The following CTPS1 variants were observed in gnomAD, a reference collection of about 807,000 sequenced individuals.
CTPS1 encodes CTP synthase 1.
CTPS1 carries 25 observed loss-of-function variants against 80.5 expected under a neutral mutation model. That is an observed-to-expected ratio of 0.31 (90% CI 0.23 to 0.43). The LOEUF (loss-of-function observed/expected upper bound fraction) is 0.43. Among genes scored for constraint, CTPS1 ranks in the 20% least tolerant of loss-of-function variants. The pLI, the probability that CTPS1 is intolerant of heterozygous loss-of-function variation, is 1.00. For synonymous variants in CTPS1, 267 were observed against 252.5 expected (o/e 1.06, Z -0.54); for missense variants, 442 against 725.7 (o/e 0.61, Z 4.49).
chr1:40,986,290 T>C (rs547812420), intron 3 of CTPS1, among the ~76,000 whole-genome samples: 1 of 151,120 alleles, frequency 6.6e-6, no homozygotes, highest in East Asian at 2.0e-4. Flanking sequence ...ACAGCGAGAG[T>C]GGAATGAGAA....
intron 2 of CTPS1, among the ~76,000 whole-genome samples, 189 bp from the exon 3 acceptor site, chr1:40,984,632 G>T (rs1642405754): frequency 6.6e-6 from 1 of 152,160 alleles, no homozygotes; most frequent in African/African-American, 2.4e-5. Context: ...GAAGTATGAG[G>T]TTACCTTTTA....
At chr1:41,008,768 C>T in intron 15 of CTPS1, 26 bp from the exon 16 acceptor site, 1 of 1,613,582 alleles carries the variant, frequency 6.2e-7, no homozygotes, top group Non-Finnish European at 8.5e-7. Context: ...GAGAGACCAG[C>T]AGAATTATTT....
chr1:40,999,509 T>C (rs1272726303), intron 9 of CTPS1, among the ~76,000 whole-genome samples: 1 of 152,180 alleles, frequency 6.6e-6, no homozygotes, highest in Non-Finnish European at 1.5e-5. Context: ...GGGAAATCAG[T>C]GCAGATGAAG....
At chr1:40,983,098 C>T in intron 1 of CTPS1, 180 bp from the exon 2 acceptor site, 2 of 491,582 alleles carry the variant, frequency 4.1e-6, no homozygotes, top group South Asian at 3.7e-5. Context: ...TTCAGTGATC[C>T]AAGAAATGTT....
chr1:41,011,563 C>T (rs974292111), intron 18 of CTPS1, 95 bp from the exon 19 acceptor site: 11 of 152,176 alleles, frequency 7.2e-5, no homozygotes, highest in African/African-American at 2.4e-4. Context: ...CCATGAAAAA[C>T]AGGCTTAGTT....
At chr1:40,980,477 C>G (rs898994143) in intron 1 of CTPS1, 1 of 152,210 alleles carries the variant, frequency 6.6e-6, no homozygotes, top group African/African-American at 2.4e-5. Flanking sequence ...GCGTGGCGCC[C>G]TTCCGTCCAC....
chr1:40,981,844 A>G (rs1642308949), intron 1 of CTPS1: 2 of 390,920 alleles, frequency 5.1e-6, no homozygotes, highest in East Asian at 8.7e-5. Context: ...CTTCCCTGCC[A>G]AGTGTGTTCT....
intron 5 of CTPS1, among the ~76,000 whole-genome samples, chr1:40,990,258 C>T (rs1209164066): frequency 6.6e-6 from 1 of 152,204 alleles, no homozygotes; most frequent in African/African-American, 2.4e-5. Context: ...GACCCCTTAT[C>T]TGAACAATTC....
At chr1:40,985,781 CT>C (rs1407305407) in intron 3 of CTPS1, among the ~76,000 whole-genome samples, 1 of 152,154 alleles carries the variant, frequency 6.6e-6, no homozygotes, top group African/African-American at 2.4e-5. Context: ...ATGTTTGGAT[CT>C]TAGCTTCCCC....
At chr1:40,981,887 A>G (rs947730124) in intron 1 of CTPS1, 3 of 826,616 alleles carry the variant, frequency 3.6e-6, no homozygotes, top group Non-Finnish European at 1.7e-6. Context: ...GGGCGGGGGA[A>G]TGCTTCGAGC....
At chr1:40,987,512 C>T in intron 4 of CTPS1, 40 bp downstream of exon 4, 2 of 1,399,738 alleles carry the variant, frequency 1.4e-6, no homozygotes, top group Non-Finnish European at 1.0e-6. Flanking sequence ...GTGTACTCAT[C>T]TCCTTAGTCA....
intron 4 of CTPS1, among the ~76,000 whole-genome samples, chr1:40,988,278 C>CTT (rs34538426): frequency 2.7e-4 from 38 of 138,352 alleles, no homozygotes; most frequent in Admixed American, 7.9e-4. Flanking sequence ...TTAGGTTTTT[C>CTT]TTTTTTTTTT....
chr1:40,990,966 C>T (rs936428994), intron 5 of CTPS1, among the ~76,000 whole-genome samples, 199 bp from the exon 6 acceptor site: 3 of 151,996 alleles, frequency 2.0e-5, no homozygotes, highest in African/African-American at 4.8e-5. Flanking sequence ...GGGTGAGGGC[C>T]GATACTGCTT....
intron 5 of CTPS1, among the ~76,000 whole-genome samples, chr1:40,990,081 G>C (rs1009272130): frequency 2.7e-5 from 4 of 150,208 alleles, no homozygotes. Flanking sequence ...CTACCCCCCC[G>C]TATTTGGAAA....
chr1:40,984,682 A>T (rs1558131206), intron 2 of CTPS1, 139 bp from the exon 3 acceptor site: 1 of 596,842 alleles, frequency 1.7e-6, no homozygotes. Flanking sequence ...TGTCATATTT[A>T]GTCTTCTAGA....
At chr1:41,010,356 A>T in intron 18 of CTPS1, 102 bp downstream of exon 18, 1 of 769,188 alleles carries the variant, frequency 1.3e-6, no homozygotes, top group Non-Finnish European at 2.2e-6. Flanking sequence ...TTTATCTGCC[A>T]GGAATGAAAG....
intron 5 of CTPS1, among the ~76,000 whole-genome samples, chr1:40,989,987 A>C (rs1328023971): frequency 6.6e-6 from 1 of 152,234 alleles, no homozygotes; most frequent in Non-Finnish European, 1.5e-5. Context: ...AAATAATAGG[A>C]GTTCCAAAAA....
intron 2 of CTPS1, among the ~76,000 whole-genome samples, 163 bp downstream of exon 2, chr1:40,983,619 CTTTTTTT>C (rs56179408): frequency 5.7e-5 from 8 of 140,310 alleles, no homozygotes; most frequent in African/African-American, 8.0e-5. Flanking sequence ...AAGCAGAATT[CTTTTTTT>C]TTTTTTTTTT....
At position 40,995,995 on chromosome 1, in the gene CTPS1, C is replaced by T. The variant is rs1558150070; in HGVS notation, c.799C>T (p.Leu267Phe). 1 of 1,614,146 alleles carries T rather than the reference C, an allele frequency of 6.2e-7. No individual in the cohort carries two copies. Among genetic ancestry groups the T allele is most frequent in the Non-Finnish European group, 8.5e-7 (1 of 1,180,002 alleles). Residue 267 changes from leucine to phenylalanine, a missense_variant, in exon 8 of 19, where the codon CTT becomes TTT. By Grantham distance (22) the Leu-to-Phe change is conservative (BLOSUM62 0). Around this residue, in one of 4 missense-constraint regions of CTPS1, gnomAD observed 321 missense variants for 467.2 expected, o/e 0.69. Coordinates refer to ENST00000650070, the MANE Select transcript of CTPS1 (RefSeq NM_001905.4). ...GGAGCAAGGGGTTGTAGATTATTTT[C>T]TTCGAAGACTTGACCTTCCTATTGA... is the stretch of plus-strand genomic sequence containing the variant. ...LEEQGVVDYF[L>F]RRLDLPIERQ...
Sources: allele counts gnomAD v4.1 joint callset (sites outside exome capture counted in the v4.1 genomes callset), GRCh38; gene constraint gnomAD v4.1.1; regional missense constraint gnomAD v4.1.1; transcripts MANE v1.5; gene names NCBI Gene and HGNC (gene_info 2026-07-23, HGNC 2026-07-21).